Variants in C10orf88 observed in about 807,000 individuals in gnomAD.
C10orf88 encodes ATPase PAAT.
Under a neutral mutation model 34.2 loss-of-function variants are expected in C10orf88, and 29 were observed. That is an observed-to-expected ratio of 0.85 (90% CI 0.63 to 1.16). The LOEUF is 1.16. Among genes scored for constraint, C10orf88 ranks in the 50% most tolerant of loss-of-function variants. The pLI is 0.00. For synonymous variants in C10orf88, 194 were observed against 197.4 expected (o/e 0.98, Z 0.15); for missense variants, 507 against 533.2 (o/e 0.95, Z 0.48).
At chr10:122,951,574 A>T (rs535845468) in intron 3 of C10orf88, among the ~76,000 whole-genome samples, 24 of 152,126 alleles carry the variant, frequency 1.6e-4, no homozygotes, top group African/African-American at 4.8e-4. Flanking sequence ...AAAAAAAAAA[A>T]TTTCTTAATT....
chr10:122,942,409 C>A (rs1296940371), intron 4 of C10orf88, among the ~76,000 whole-genome samples: 1 of 152,114 alleles, frequency 6.6e-6, no homozygotes, highest in East Asian at 1.9e-4. Flanking sequence ...AAACCCACAG[C>A]CAATATCATA....
rs1400464991 is a variant in C10orf88 at position 122,952,042 on chromosome 10, A to T, written c.369-16T>A. 1 of 1,309,830 alleles carries T rather than the reference A, an allele frequency of 7.6e-7. No homozygotes were observed. The highest frequency in any genetic ancestry group is 2.5e-5 in the East Asian group (1 of 39,854). The allele number at this position is 1,309,830 out of a possible 1,614,324, so 81.1% of individuals were successfully genotyped here. On this transcript the variant is annotated splice_polypyrimidine_tract_variant and intron_variant, in intron 2 of 5. Coordinates refer to ENST00000481909, the MANE Select transcript of C10orf88 (RefSeq NM_024942.4). ...TTCATGTTCACTAAAAATAAAAAAG[A>T]ATTAATTTTTTTTACTTACATATAT...
chr10:122,954,082 G>A lies in C10orf88; in HGVS notation c.97C>T (p.Leu33Phe). Residue 33 changes from leucine (L) to phenylalanine (F), a missense_variant, in exon 1 of 6, where the codon CTC (leucine) becomes TTC (phenylalanine). Transcript: ENST00000481909. ...CCGGGGCCGAGACCGGCCCGGGTGA[G>A]GAGGAGGCTGTGGGTCAGGGCCCCG... ...AGGALTHSLLLTRAGLGPGDF... is the reference protein window; with the variant it reads ...AGGALTHSLLFTRAGLGPGDF... The A allele has an allele frequency of 3.8e-6, 6 of 1,569,622 alleles. No homozygotes were observed. Among genetic ancestry groups the A allele is most frequent in the Non-Finnish European group, 5.2e-6 (6 of 1,160,918 alleles).
intron 3 of C10orf88, among the ~76,000 whole-genome samples, chr10:122,949,107 T>C (rs1272362222): frequency 1.3e-5 from 2 of 152,180 alleles, no homozygotes; most frequent in Non-Finnish European, 2.9e-5. Context: ...AATGAGGTGA[T>C]TAAATAAATG....
chr10:122,948,835 C>T lies in C10orf88; in HGVS notation c.462G>A (p.Arg154=). The T allele has an allele frequency of 6.2e-7, 1 of 1,612,390 alleles. No individual in the cohort carries two copies. Among genetic ancestry groups the T allele is most frequent in the Non-Finnish European group, 8.5e-7 (1 of 1,179,750 alleles). ...CAACTTTACTGATGAACACACACTG[C>T]CTTTCGCCAAAGGAGAGCAACTATT... ...CKIKLLSFGE[R]QCVFISKVVV... The change falls in exon 4 of 6, where the codon AGG becomes AGA. Residue 154 remains arginine, a synonymous_variant. Coordinates refer to ENST00000481909, the MANE Select transcript of C10orf88 (RefSeq NM_024942.4).
In C10orf88 at chr10:122,946,250, T is replaced by C. The variant is rs1848638753; in HGVS notation, c.648+2399A>G. ...GTTCTAGGCCTTCATATTCAGTTAC[T>C]GACTTACCTAGAGTAACTTCTAGTC... is the stretch of plus-strand genomic sequence containing the variant. On this transcript the variant is annotated intron_variant, in intron 4 of 5. Coordinates refer to ENST00000481909, the MANE Select transcript of C10orf88 (RefSeq NM_024942.4). Among the ~76,000 whole-genome samples the C allele has an allele frequency of 2.0e-5, 3 of 152,236 alleles. No homozygotes were observed. The South Asian group carries it at 6.2e-4, about 32-fold the overall frequency.
rs1028679009 is a variant in C10orf88, at chr10:122,932,029, G to T, written c.*398C>A. 6.5e-6 allele frequency: 1 copy of T among 154,058 alleles called. No individual in the cohort carries two copies. Among genetic ancestry groups the T allele is most frequent in the Non-Finnish European group, 1.4e-5 (1 of 69,208 alleles). 9.5% of individuals were successfully genotyped at this position (154,058 alleles called of 1,614,324 possible). On this transcript the variant is annotated 3_prime_UTR_variant, in exon 6 of 6. Coordinates refer to ENST00000481909, the MANE Select transcript of C10orf88 (RefSeq NM_024942.4). ...CAATTTTCCAAGATAATTAGAAAAA[G>T]AAAAAAATCAAATACTCTTAAGCAT...
At chr10:122,941,972 T>C (rs1406653601) in intron 4 of C10orf88, among the ~76,000 whole-genome samples, 2 of 152,118 alleles carry the variant, frequency 1.3e-5, no homozygotes, top group African/African-American at 2.4e-5. Context: ...GGGTATAGAA[T>C]GACAGCTGGA....
At chr10:122,942,632 C>A (rs1407991059) in intron 4 of C10orf88, among the ~76,000 whole-genome samples, 1 of 149,834 alleles carries the variant, frequency 6.7e-6, no homozygotes, top group Non-Finnish European at 1.5e-5. Context: ...ACCCCATCGT[C>A]TCAGCCCAAA....
At chr10:122,939,097 A>G (rs1420875593) in intron 4 of C10orf88, among the ~76,000 whole-genome samples, 6 of 152,018 alleles carry the variant, frequency 3.9e-5, no homozygotes. Context: ...ATATTCTAAA[A>G]AGTTATTACT....
intron 4 of C10orf88, among the ~76,000 whole-genome samples, chr10:122,945,943 A>G (rs1848635743): frequency 6.6e-6 from 1 of 152,048 alleles, no homozygotes; most frequent in Non-Finnish European, 1.5e-5. Flanking sequence ...CTAAAAATAA[A>G]AAAATTAGTC....
At position 122,932,100 on chromosome 10, in the gene C10orf88, AT is replaced by A. The variant is rs1360415941; in HGVS notation, c.*326del. On this transcript the variant is annotated 3_prime_UTR_variant, in exon 6 of 6. Transcript: ENST00000481909. Reference sequence around the variant, plus strand: ...CTATAAGATCTTTGTATAAATAAAAATTATACTTAAACACATATACAATACA... The same window carrying A: ...CTATAAGATCTTTGTATAAATAAAAATATACTTAAACACATATACAATACA... 8 of 179,860 alleles carry A rather than the reference AT, an allele frequency of 4.4e-5. No homozygotes were observed. The Admixed American group carries it at 4.9e-4, about 11-fold the overall frequency. 11.1% of individuals were successfully genotyped at this position (179,860 alleles called of 1,614,324 possible). A position where few individuals can be genotyped will look rare whatever the true frequency, so the allele number is the denominator to read the frequency against.
intron 5 of C10orf88, among the ~76,000 whole-genome samples, chr10:122,934,046 CCAAAGA>C (rs1312756332): frequency 6.6e-6 from 1 of 152,026 alleles, no homozygotes; most frequent in African/African-American, 2.4e-5. Flanking sequence ...CTAGAATACA[CCAAAGA>C]CAGTTTTTAA....
intron 2 of C10orf88, among the ~76,000 whole-genome samples, chr10:122,952,502 G>C (rs765738912): frequency 6.6e-6 from 1 of 152,170 alleles, no homozygotes; most frequent in Admixed American, 6.5e-5. Flanking sequence ...ATTAACTTTC[G>C]GAAGACAGAC....
At chr10:122,939,054 T>G (rs545683073) in intron 4 of C10orf88, among the ~76,000 whole-genome samples, 2 of 152,024 alleles carry the variant, frequency 1.3e-5, no homozygotes, top group Non-Finnish European at 2.9e-5. Context: ...AATATGTAAA[T>G]TAGCTGAAGA....
In C10orf88 at chr10:122,935,900, T is replaced by G. The variant is rs1191423609; in HGVS notation, c.1103+1805A>C. On this transcript the variant is annotated intron_variant, in intron 5 of 5. Transcript: ENST00000481909. ...AGTATTTTTTATAGATTTACATATT[T>G]TACATATATTTACATGCATTTTTGT... 3.9e-5 allele frequency among the ~76,000 whole-genome samples: 6 copies of G among 151,904 alleles called. No homozygotes were observed. In the East Asian group the frequency reaches 1.2e-3, roughly 29 times the overall value.
chr10:122,952,788 A>T, intron 2 of C10orf88, 41 bp downstream of exon 2: 2 of 1,604,508 alleles, frequency 1.2e-6, no homozygotes, highest in Non-Finnish European at 1.7e-6. Flanking sequence ...AAATCAAAAC[A>T]CTACTTCAGA....
chr10:122,939,786 TTACAC>T (rs1387782729), intron 4 of C10orf88, among the ~76,000 whole-genome samples: 11 of 151,888 alleles, frequency 7.2e-5, no homozygotes, highest in African/African-American at 2.7e-4. Flanking sequence ...GTAATAATAT[TTACAC>T]TACAGTCAAT....
At chr10:122,943,787 C>A in intron 4 of C10orf88, among the ~76,000 whole-genome samples, 1 of 152,222 alleles carries the variant, frequency 6.6e-6, no homozygotes, top group East Asian at 1.9e-4. Flanking sequence ...CTCACCATCA[C>A]TGGCCATCAG....
Sources: allele counts gnomAD v4.1 joint callset (sites outside exome capture counted in the v4.1 genomes callset), GRCh38; gene constraint gnomAD v4.1.1; transcripts MANE v1.5; gene names NCBI Gene and HGNC (gene_info 2026-07-23, HGNC 2026-07-21).